The following SEMA3E variants were observed in gnomAD, a reference collection of about 807,000 sequenced individuals.
The protein encoded by SEMA3E is semaphorin-3E.
A neutral mutation model predicts 93.6 loss-of-function variants in SEMA3E; 49 were observed. That is an observed-to-expected ratio of 0.52 (90% CI 0.42 to 0.66). The LOEUF (loss-of-function observed/expected upper bound fraction) is 0.66, where lower values mean the gene tolerates loss of function less well. Among genes scored for constraint, SEMA3E ranks in the 30% least tolerant of loss-of-function variants. SEMA3E has a pLI of 0.00. For synonymous variants in SEMA3E, 363 were observed against 330.7 expected, an observed-to-expected ratio of 1.10 and a Z score of -1.06; for missense variants, 906 against 964.8, an observed-to-expected ratio of 0.94 and a Z score of 0.81.
intron 1 of SEMA3E, among the ~76,000 whole-genome samples, chr7:83,589,069 C>G (rs569807274): frequency 6.6e-6 from 1 of 152,276 alleles, no homozygotes; most frequent in South Asian, 2.1e-4. Flanking sequence ...GTTCAATTAA[C>G]TATTAGATTA....
intron 4 of SEMA3E, among the ~76,000 whole-genome samples, chr7:83,439,873 T>C (rs1789077884): frequency 6.6e-6 from 1 of 152,184 alleles, no homozygotes; most frequent in South Asian, 2.1e-4. Context: ...AATAGAAATA[T>C]GTAAAACTCA....
At chr7:83,556,520 G>T (rs1562831356) in intron 1 of SEMA3E, among the ~76,000 whole-genome samples, 1 of 152,138 alleles carries the variant, frequency 6.6e-6, no homozygotes, top group Admixed American at 6.6e-5. Context: ...TAGACATTGA[G>T]GGGCCAGGGA....
At chr7:83,409,457 C>A (rs1272085410) in intron 5 of SEMA3E, among the ~76,000 whole-genome samples, 1 of 152,114 alleles carries the variant, frequency 6.6e-6, no homozygotes, top group Non-Finnish European at 1.5e-5. Context: ...GAAACAGCAA[C>A]CTCAAAGCAA....
At chr7:83,400,308 T>A in intron 10 of SEMA3E, 58 bp from the exon 11 acceptor site, 1 of 1,500,444 alleles carries the variant, frequency 6.7e-7, no homozygotes, top group Non-Finnish European at 9.3e-7. Context: ...AGAAAATTTA[T>A]AATCAATTAT....
chr7:83,593,284 CTGTGTGTGTGTG>C lies in SEMA3E; in HGVS notation c.115+55132_115+55143del, dbSNP rs66605514. On this transcript the variant is annotated intron_variant, in intron 1 of 16. Coordinates refer to ENST00000643230, the MANE Select transcript of SEMA3E (RefSeq NM_012431.3). ...TGTCTCTCTCTCTCTCTCTCTCTCT[CTGTGTGTGTGTG>C]TGTGTGTGTGTGTGTGTGTGTGTGT... Among the ~76,000 whole-genome samples, 659 of 116,702 alleles carry C rather than the reference CTGTGTGTGTGTG, an allele frequency of 5.6e-3. 8 individuals carry two copies. The highest frequency in any genetic ancestry group is 0.015 in the African/African-American group (459 of 30,930). 76.6% of individuals were successfully genotyped at this position (116,702 alleles called of 152,430 possible). A position where few individuals can be genotyped will look rare whatever the true frequency, so the allele number is the denominator to read the frequency against.
intron 7 of SEMA3E, 22 bp from the exon 8 acceptor site, chr7:83,406,081 T>C (rs773156299): frequency 1.5e-5 from 22 of 1,514,724 alleles, no homozygotes; most frequent in Admixed American, 8.4e-5. Flanking sequence ...AAAAAGGAGG[T>C]AAATAGTTAC....
intron 1 of SEMA3E, among the ~76,000 whole-genome samples, chr7:83,518,599 A>T (rs1465930355): frequency 6.6e-6 from 1 of 152,188 alleles, no homozygotes; most frequent in East Asian, 1.9e-4. Context: ...TTTGCCTGAT[A>T]GGATTTTTGT....
At chr7:83,526,116 G>C (rs1351591363) in intron 1 of SEMA3E, among the ~76,000 whole-genome samples, 1 of 152,046 alleles carries the variant, frequency 6.6e-6, no homozygotes, top group Admixed American at 6.6e-5. Flanking sequence ...TGAATTCAAT[G>C]ATAATGACAG....
chr7:83,400,768 T>C (rs1183640367), intron 10 of SEMA3E, among the ~76,000 whole-genome samples: 1 of 152,200 alleles, frequency 6.6e-6, no homozygotes, highest in Admixed American at 6.6e-5. Context: ...TTTAACATCA[T>C]ACATATTCAA....
At chr7:83,374,309 T>C (rs1386303006) in intron 16 of SEMA3E, among the ~76,000 whole-genome samples, 5 of 149,780 alleles carry the variant, frequency 3.3e-5, no homozygotes, top group Non-Finnish European at 5.9e-5. Flanking sequence ...AACAAGATAA[T>C]ACCAAATGTT....
intron 4 of SEMA3E, among the ~76,000 whole-genome samples, chr7:83,446,263 A>C (rs1205983154): frequency 6.6e-6 from 1 of 152,236 alleles, no homozygotes; most frequent in Non-Finnish European, 1.5e-5. Flanking sequence ...GAGTTAATTA[A>C]GGGCTAAAAA....
chr7:83,513,519 A>G (rs1188606289), intron 1 of SEMA3E, among the ~76,000 whole-genome samples: 1 of 152,208 alleles, frequency 6.6e-6, no homozygotes, highest in East Asian at 1.9e-4. Flanking sequence ...TTGTATATTA[A>G]TTACATCCTT....
At chr7:83,515,302 A>C (rs1790904255) in intron 1 of SEMA3E, among the ~76,000 whole-genome samples, 1 of 152,090 alleles carries the variant, frequency 6.6e-6, no homozygotes, top group South Asian at 2.1e-4. Context: ...TGAAAAAAAA[A>C]AAAAAAAGAA....
intron 1 of SEMA3E, among the ~76,000 whole-genome samples, chr7:83,506,959 C>G (rs114164666): frequency 0.015 from 2,304 of 152,286 alleles, 61 homozygotes; most frequent in African/African-American, 0.052. Flanking sequence ...AGTTGTGTCA[C>G]AAAATTGAAG....
intron 2 of SEMA3E, among the ~76,000 whole-genome samples, chr7:83,472,162 A>C (rs1789911376): frequency 6.6e-6 from 1 of 152,184 alleles, no homozygotes. Flanking sequence ...GTATATATAC[A>C]CAACAGAAGA....
At chr7:83,621,067 A>T (rs1201321545) in intron 1 of SEMA3E, among the ~76,000 whole-genome samples, 2 of 152,140 alleles carry the variant, frequency 1.3e-5, no homozygotes, top group Non-Finnish European at 2.9e-5. Context: ...CTTTTTTTGC[A>T]GATGACATGA....
intron 1 of SEMA3E, among the ~76,000 whole-genome samples, chr7:83,495,698 A>G (rs1026095630): frequency 6.6e-6 from 1 of 152,012 alleles, no homozygotes; most frequent in African/African-American, 2.4e-5. Flanking sequence ...CAAAGACGCA[A>G]AAAGTGAATT....
intron 11 of SEMA3E, among the ~76,000 whole-genome samples, chr7:83,398,310 C>A (rs1220228132): frequency 6.6e-6 from 1 of 152,138 alleles, no homozygotes; most frequent in East Asian, 1.9e-4. Context: ...AAATCACATA[C>A]TAGGTTGGTG....
chr7:83,580,287 A>G (rs1792492663), intron 1 of SEMA3E, among the ~76,000 whole-genome samples: 1 of 151,916 alleles, frequency 6.6e-6, no homozygotes, highest in Non-Finnish European at 1.5e-5. Flanking sequence ...CCTTCCTTGA[A>G]TTACTCTCTT....
Sources: gnomAD v4.1 joint callset for allele counts (sites outside exome capture counted in the v4.1 genomes callset) on GRCh38, gnomAD v4.1.1 for gene constraint, MANE v1.5 for transcripts, NCBI Gene and HGNC (gene_info 2026-07-23, HGNC 2026-07-21) for gene names.